Variants in CDH13 observed in about 807,000 individuals in gnomAD.
The protein encoded by CDH13 is cadherin-13.
In CDH13, 24 loss-of-function variants were observed where a neutral mutation model predicts 63.8. That is an observed-to-expected ratio of 0.38 (90% CI 0.27 to 0.53). The LOEUF is 0.53. Among genes scored for constraint, CDH13 ranks in the 20% least tolerant of loss-of-function variants. The probability of loss-of-function intolerance (pLI) is 0.85; values close to 1 mark genes in which losing one functional copy is unlikely to be tolerated. For synonymous variants in CDH13, 503 were observed against 355.3 expected, an observed-to-expected ratio of 1.42 and a Z score of -4.67; for missense variants, 1,049 against 903.1, an observed-to-expected ratio of 1.16 and a Z score of -2.07.
intron 5 of CDH13, among the ~76,000 whole-genome samples, chr16:83,238,918 C>T (rs1176122524): frequency 6.6e-6 from 1 of 152,168 alleles, no homozygotes; most frequent in Non-Finnish European, 1.5e-5. Context: ...ATTCTCCTCA[C>T]CTTTGGGCTA....
intron 6 of CDH13, among the ~76,000 whole-genome samples, chr16:83,351,783 A>T (rs2090956411): frequency 6.6e-6 from 1 of 152,188 alleles, no homozygotes; most frequent in Admixed American, 6.5e-5. Flanking sequence ...TTTGATCCCT[A>T]TTCAGGTGAT....
chr16:82,739,458 T>A (rs1015977405), intron 1 of CDH13, among the ~76,000 whole-genome samples: 2 of 152,208 alleles, frequency 1.3e-5, no homozygotes, highest in Non-Finnish European at 2.9e-5. Flanking sequence ...ATGCTTTAGT[T>A]GTCTTGGTAA....
chr16:82,954,628 G>T (rs748927945), intron 2 of CDH13: 1 of 151,934 alleles, frequency 6.6e-6, no homozygotes, highest in Non-Finnish European at 1.5e-5. Context: ...GCTTTATTGA[G>T]ATATAATTCA....
At chr16:83,303,882 T>A (rs2089810522) in intron 5 of CDH13, among the ~76,000 whole-genome samples, 1 of 152,096 alleles carries the variant, frequency 6.6e-6, no homozygotes, top group Non-Finnish European at 1.5e-5. Context: ...TAGTGGGGCA[T>A]CTTGGGTGAC....
At chr16:83,450,299 G>GTGCA (rs2072849762) in intron 6 of CDH13, among the ~76,000 whole-genome samples, 1 of 152,220 alleles carries the variant, frequency 6.6e-6, no homozygotes, top group African/African-American at 2.4e-5. Flanking sequence ...TGAGTGTGGA[G>GTGCA]TGCAGCTTGT....
Position 82,796,096 on chromosome 16 carries a change from T to G in CDH13, c.46-62266T>G, listed in dbSNP as rs566661642. On this transcript the variant is annotated intron_variant, in intron 1 of 13. Coordinates refer to ENST00000567109, the MANE Select transcript of CDH13 (RefSeq NM_001257.5). ...CTGGTTCATGTCAGGTTCCTGTGCC[T>G]CTCCTGGAGAAGCAGGTGATAAGGT... Among the ~76,000 whole-genome samples, 60 of 152,222 alleles carry G rather than the reference T, an allele frequency of 3.9e-4. 2 individuals are homozygous for G. The South Asian group carries it at 0.012, about 30-fold the overall frequency.
Position 82,626,985 on chromosome 16 carries a change from G to A in CDH13, c.-108G>A. ...TGCTGATCTATTTGGGAAGTTGGCT[G>A]GCTGGCGAGGCAGAGCCTCTCCTCA... On this transcript the variant is annotated 5_prime_UTR_variant, in exon 1 of 14. Transcript: ENST00000567109. 7.7e-7 allele frequency: 1 copy of A among 1,303,052 alleles called. No homozygotes were observed. Among genetic ancestry groups the A allele is most frequent in the Non-Finnish European group, 1.1e-6 (1 of 921,166 alleles). 80.7% of individuals were successfully genotyped at this position (1,303,052 alleles called of 1,614,324 possible).
intron 3 of CDH13, among the ~76,000 whole-genome samples, chr16:83,124,782 C>T (rs948278479): frequency 7.9e-5 from 12 of 152,038 alleles, no homozygotes; most frequent in East Asian, 5.8e-4. Context: ...TTGAATAGAG[C>T]GTCATTTCCC....
At chr16:83,732,089 G>A (rs1247324125) in intron 10 of CDH13, among the ~76,000 whole-genome samples, 3 of 152,166 alleles carry the variant, frequency 2.0e-5, no homozygotes. Flanking sequence ...GTCCTAACTA[G>A]CCCTGAGGAT....
chr16:83,684,271 G>T (rs1340168633), intron 10 of CDH13, among the ~76,000 whole-genome samples: 1 of 152,112 alleles, frequency 6.6e-6, no homozygotes, highest in Non-Finnish European at 1.5e-5. Flanking sequence ...GGAGGCTGAG[G>T]CAGGAGAATT....
At position 83,397,135 on chromosome 16, in the gene CDH13, G is replaced by A. The variant is rs865937695; in HGVS notation, c.781+52129G>A. On this transcript the variant is annotated intron_variant, in intron 6 of 13. Transcript: ENST00000567109. ...CTCCCCAGCATGTCCCTCCTCGGCC[G>A]TGGGCAACCCCTCCTTCTTTGGGGA... is the stretch of plus-strand genomic sequence containing the variant. 1.2e-4 allele frequency among the ~76,000 whole-genome samples: 19 copies of A among 152,060 alleles called. 1 individual carries two copies. The Middle Eastern group carries it at 0.01, about 82-fold the overall frequency.
chr16:83,460,999 A>ACACG (rs1397312343), intron 6 of CDH13, among the ~76,000 whole-genome samples: 7 of 150,994 alleles, frequency 4.6e-5, no homozygotes, highest in Non-Finnish European at 7.4e-5. Flanking sequence ...ACACACGCAC[A>ACACG]CACACACACA....
chr16:82,781,927 A>G (rs1425406270), intron 1 of CDH13, among the ~76,000 whole-genome samples: 1 of 152,208 alleles, frequency 6.6e-6, no homozygotes, highest in African/African-American at 2.4e-5. Flanking sequence ...ACTCTAAAGA[A>G]AGAATGGTTT....
chr16:82,810,917 C>A (rs374158272), intron 1 of CDH13, among the ~76,000 whole-genome samples: 2 of 152,060 alleles, frequency 1.3e-5, no homozygotes, highest in Non-Finnish European at 2.9e-5. Context: ...GAGGTCTTTG[C>A]AATTATTAGT....
At position 83,436,318 on chromosome 16, in the gene CDH13, T is replaced by C. The variant is rs150288253; in HGVS notation, c.782-50159T>C. 6.2e-3 allele frequency among the ~76,000 whole-genome samples: 950 copies of C among 152,278 alleles called. 12 individuals are homozygous for C. The highest frequency in any genetic ancestry group is 0.021 in the African/African-American group (893 of 41,538). ...GGAGCTTATAATAATGCTTATGTCA[T>C]AGTAATTCTGAAGGAGTTGTCTTTT... is the stretch of plus-strand genomic sequence containing the variant. On this transcript the variant is annotated intron_variant, in intron 6 of 13. Transcript: ENST00000567109.
intron 7 of CDH13, among the ~76,000 whole-genome samples, chr16:83,519,091 G>A (rs1454028429): frequency 6.6e-6 from 1 of 152,216 alleles, no homozygotes; most frequent in Non-Finnish European, 1.5e-5. Context: ...TAGCCTGGAA[G>A]CTTAGAATCT....
chr16:82,869,466 C>G (rs1356216992), intron 2 of CDH13, among the ~76,000 whole-genome samples: 1 of 151,186 alleles, frequency 6.6e-6, no homozygotes, highest in Admixed American at 6.6e-5. Context: ...AAATTATTTA[C>G]AGAAAAAGAA....
At chr16:82,976,438 T>G (rs367622769) in intron 2 of CDH13, among the ~76,000 whole-genome samples, 1 of 152,198 alleles carries the variant, frequency 6.6e-6, no homozygotes, top group South Asian at 2.1e-4. Context: ...TCCAGGCGCT[T>G]TTCCAGTTAT....
intron 10 of CDH13, chr16:83,720,993 G>T (rs1288455323): frequency 2.0e-5 from 3 of 152,254 alleles, no homozygotes; most frequent in African/African-American, 7.2e-5. Flanking sequence ...GAGGTTTCAT[G>T]TATGCACCTG....
Sources: allele counts gnomAD v4.1 joint callset (sites outside exome capture counted in the v4.1 genomes callset), GRCh38; gene constraint gnomAD v4.1.1; transcripts MANE v1.5; gene names NCBI Gene and HGNC (gene_info 2026-07-23, HGNC 2026-07-21).